The following BRINP3 variants were observed in gnomAD, a reference collection of about 807,000 sequenced individuals.
BRINP3 encodes the protein BMP/retinoic acid inducible neural specific 3, also known as BMP/retinoic acid-inducible neural-specific protein 3.
A neutral mutation model predicts 71.0 loss-of-function variants in BRINP3; 19 were observed. That is an observed-to-expected ratio of 0.27 (90% CI 0.19 to 0.39). The LOEUF (loss-of-function observed/expected upper bound fraction) is 0.39, where lower values mean the gene tolerates loss of function less well. BRINP3 is among the 10% of genes least tolerant of loss of function. BRINP3 has a pLI of 1.00. For missense variants in BRINP3, 959 were observed against 940.8 expected (o/e 1.02, Z -0.25); for synonymous variants, 380 against 337.7 (o/e 1.13, Z -1.37).
intron 6 of BRINP3, among the ~76,000 whole-genome samples, chr1:190,184,486 G>T (rs757872988): frequency 1.3e-5 from 2 of 151,976 alleles, no homozygotes; most frequent in African/African-American, 4.8e-5. Context: ...CAACCTAAGC[G>T]CCCATTAATG....
intron 2 of BRINP3, among the ~76,000 whole-genome samples, chr1:190,310,705 A>G (rs1312820400): frequency 6.6e-6 from 1 of 151,660 alleles, no homozygotes; most frequent in Non-Finnish European, 1.5e-5. Context: ...TCTCTAACTC[A>G]TTAATTATAT....
At chr1:190,182,865 T>C (rs1653150532) in intron 6 of BRINP3, among the ~76,000 whole-genome samples, 1 of 152,116 alleles carries the variant, frequency 6.6e-6, no homozygotes, top group African/African-American at 2.4e-5. Context: ...CAATTACGCC[T>C]TTGTGAGGGA....
chr1:190,414,093 T>G (rs1447522417), intron 2 of BRINP3, among the ~76,000 whole-genome samples: 1 of 152,048 alleles, frequency 6.6e-6, no homozygotes, highest in Non-Finnish European at 1.5e-5. Context: ...GCCTGATTTA[T>G]TTTAATCTTT....
At chr1:190,331,577 T>C (rs1183543368) in intron 2 of BRINP3, among the ~76,000 whole-genome samples, 2 of 152,064 alleles carry the variant, frequency 1.3e-5, no homozygotes, top group Non-Finnish European at 2.9e-5. Context: ...ATGTGACTGA[T>C]TTTTGCCATC....
At chr1:190,192,171 T>TAGATAGCAAATAAGCAGTTTATCTCTTTG (rs1654090636) in intron 6 of BRINP3, among the ~76,000 whole-genome samples, 1 of 152,122 alleles carries the variant, frequency 6.6e-6, no homozygotes, top group Non-Finnish European at 1.5e-5. Context: ...ATAAACAAAG[T>TAGATAGCAAATAAGCAGTTTATCTCTTTG]AGATAGCAAA....
Position 190,355,914 on chromosome 1 carries a change from C to G in BRINP3, c.237-74164G>C, listed in dbSNP as rs567426291. On this transcript the variant is annotated intron_variant, in intron 2 of 7. Transcript: ENST00000367462. ...AGGATTGCATTTCTAAGCCAAATCC[C>G]TAGTCATATAATTTATACCTAGCGA... Among the ~76,000 whole-genome samples, 3 of 151,836 alleles carry G rather than the reference C, an allele frequency of 2.0e-5. No individual in the cohort carries two copies. The South Asian group carries it at 6.2e-4, about 31-fold the overall frequency.
chr1:190,137,599 T>A (rs1205631539), intron 7 of BRINP3, among the ~76,000 whole-genome samples: 1 of 152,124 alleles, frequency 6.6e-6, no homozygotes, highest in Non-Finnish European at 1.5e-5. Flanking sequence ...AGAGAATTTT[T>A]AAAAAGAGCA....
At chr1:190,341,822 T>C (rs1667676197) in intron 2 of BRINP3, among the ~76,000 whole-genome samples, 1 of 151,892 alleles carries the variant, frequency 6.6e-6, no homozygotes, top group Admixed American at 6.6e-5. Flanking sequence ...ACTAACACTT[T>C]CATGTTTCTG....
chr1:190,278,664 T>A (rs986899432), intron 3 of BRINP3, among the ~76,000 whole-genome samples: 1 of 151,626 alleles, frequency 6.6e-6, no homozygotes, highest in Non-Finnish European at 1.5e-5. Flanking sequence ...CAAAAAACTA[T>A]GAAAACTCAA....
intron 6 of BRINP3, among the ~76,000 whole-genome samples, chr1:190,178,232 A>C (rs1052872962): frequency 9.2e-5 from 14 of 152,122 alleles, no homozygotes; most frequent in Non-Finnish European, 4.4e-5. Context: ...ATAATTTCTA[A>C]ATCGTGTAGA....
At chr1:190,138,209 C>T (rs1655136894) in intron 7 of BRINP3, among the ~76,000 whole-genome samples, 1 of 152,072 alleles carries the variant, frequency 6.6e-6, no homozygotes, top group Admixed American at 6.6e-5. Flanking sequence ...CCACCTTGGC[C>T]TCCCAAAGTG....
rs74130710 is a variant in BRINP3 at position 190,351,719 on chromosome 1, G to A, written c.237-69969C>T. On this transcript the variant is annotated intron_variant, in intron 2 of 7. Transcript: ENST00000367462. ...AGGCTATCATAGATTCATGCAGTTT[G>A]GTTGAAGAGTTTTTAAATGGGTCAG... 7.1e-3 allele frequency among the ~76,000 whole-genome samples: 1,087 copies of A among 152,068 alleles called. 16 individuals carry two copies. Among genetic ancestry groups the A allele is most frequent in the African/African-American group, 0.024 (1,014 of 41,510 alleles).
chr1:190,245,532 A>T (rs1365832462), intron 4 of BRINP3, among the ~76,000 whole-genome samples: 1 of 152,044 alleles, frequency 6.6e-6, no homozygotes, highest in Non-Finnish European at 1.5e-5. Context: ...TAACTGAAAC[A>T]TCATCAGCTA....
chr1:190,119,857 T>C (rs1410121279), intron 7 of BRINP3, among the ~76,000 whole-genome samples: 1 of 152,212 alleles, frequency 6.6e-6, no homozygotes, highest in African/African-American at 2.4e-5. Context: ...GTGCTGCTGG[T>C]GTACTCCCAC....
chr1:190,179,256 A>G (rs986189605), intron 6 of BRINP3, among the ~76,000 whole-genome samples: 1 of 152,164 alleles, frequency 6.6e-6, no homozygotes, highest in Non-Finnish European at 1.5e-5. Flanking sequence ...TGTTCATTTT[A>G]TTAAAATAGA....
intron 3 of BRINP3, among the ~76,000 whole-genome samples, chr1:190,266,950 T>C (rs1380194237): frequency 6.6e-6 from 1 of 152,126 alleles, no homozygotes; most frequent in African/African-American, 2.4e-5. Context: ...TGAAAAATTA[T>C]TAAATGAGAA....
At chr1:190,467,417 C>G (rs1395340687) in intron 1 of BRINP3, among the ~76,000 whole-genome samples, 2 of 151,420 alleles carry the variant, frequency 1.3e-5, no homozygotes, top group African/African-American at 4.8e-5. Flanking sequence ...AAAACTAACA[C>G]CAAGTACTTA....
intron 2 of BRINP3, among the ~76,000 whole-genome samples, chr1:190,370,858 TATC>T (rs1375042826): frequency 3.9e-5 from 6 of 152,214 alleles, no homozygotes; most frequent in Non-Finnish European, 7.3e-5. Flanking sequence ...TGAGGTAACA[TATC>T]ATTGTAGTTT....
intron 2 of BRINP3, among the ~76,000 whole-genome samples, chr1:190,316,290 A>G (rs1003650210): frequency 9.9e-5 from 15 of 152,228 alleles, no homozygotes; most frequent in African/African-American, 3.4e-4. Flanking sequence ...TCAATTATTG[A>G]CTTCATTTTA....
Sources: gnomAD v4.1 joint callset for allele counts (sites outside exome capture counted in the v4.1 genomes callset) on GRCh38, gnomAD v4.1.1 for gene constraint, MANE v1.5 for transcripts, NCBI Gene and HGNC (gene_info 2026-07-23, HGNC 2026-07-21) for gene names.